CNTNAP2: variants seen among roughly 807,000 people sequenced by gnomAD.
CNTNAP2 encodes contactin-associated protein-like 2.
Under a neutral mutation model 155.2 loss-of-function variants are expected in CNTNAP2, and 98 were observed. The observed-to-expected ratio is 0.63, with a 90% CI of 0.54 to 0.75. CNTNAP2 has a LOEUF of 0.75. Ranked by LOEUF, CNTNAP2 falls within the 30% of genes least tolerant of loss-of-function variation. The pLI, the probability that CNTNAP2 is intolerant of heterozygous loss-of-function variation, is 0.00. For synonymous variants in CNTNAP2, 651 were observed against 631.2 expected (o/e 1.03, Z -0.47); for missense variants, 1,727 against 1,688.1 (o/e 1.02, Z -0.40).
rs564969589 is a variant in CNTNAP2 at position 147,606,595 on chromosome 7, T to C, written c.1898-32511T>C. ...TATTTATTGACCACTAGAGTACCAA[T>C]ACCAGATAACCTGTAAGGGAATAAG... On this transcript the variant is annotated intron_variant, in intron 12 of 23. Coordinates refer to ENST00000361727, the MANE Select transcript of CNTNAP2 (RefSeq NM_014141.6). 2.6e-5 allele frequency among the ~76,000 whole-genome samples: 4 copies of C among 152,294 alleles called. No individual in the cohort carries two copies. In the South Asian group the frequency reaches 6.2e-4, roughly 24 times the overall value.
rs529155870 is a variant in CNTNAP2, at chr7:146,477,716, G to A, written c.98-296555G>A. ...ACTAAAAATTTATATATTTTGGATT[G>A]AAATTAATTTGTAACCAACAAAGTT... On this transcript the variant is annotated intron_variant, in intron 1 of 23. Transcript: ENST00000361727. Among the ~76,000 whole-genome samples, 7 of 150,376 alleles carry A rather than the reference G, an allele frequency of 4.7e-5. No homozygotes were observed. In the East Asian group the frequency reaches 1.2e-3, roughly 25 times the overall value.
At chr7:146,950,746 A>G (rs1021950136) in intron 3 of CNTNAP2, among the ~76,000 whole-genome samples, 6 of 152,134 alleles carry the variant, frequency 3.9e-5, no homozygotes, top group East Asian at 1.9e-4. Context: ...TAGTGCTGCA[A>G]TAAACAGACT....
intron 8 of CNTNAP2, among the ~76,000 whole-genome samples, chr7:147,255,614 G>T (rs927452799): frequency 8.6e-5 from 13 of 151,980 alleles, no homozygotes; most frequent in African/African-American, 3.1e-4. Flanking sequence ...ACCTCTGGAG[G>T]TAAAGTTACC....
At chr7:147,092,431 T>G (rs1273304294) in intron 4 of CNTNAP2, among the ~76,000 whole-genome samples, 1 of 152,214 alleles carries the variant, frequency 6.6e-6, no homozygotes, top group Non-Finnish European at 1.5e-5. Context: ...GAATTTATGT[T>G]AGAAAGAGAA....
At chr7:146,973,617 CA>C (rs1797848234) in intron 3 of CNTNAP2, among the ~76,000 whole-genome samples, 1 of 152,028 alleles carries the variant, frequency 6.6e-6, no homozygotes, top group African/African-American at 2.4e-5. Flanking sequence ...AGACATATTC[CA>C]AAGATCCACT....
chr7:148,012,484 T>A (rs1802098152), intron 15 of CNTNAP2, among the ~76,000 whole-genome samples: 1 of 152,226 alleles, frequency 6.6e-6, no homozygotes, highest in South Asian at 2.1e-4. Context: ...GATCTGCTGA[T>A]CCACCTTGTG....
chr7:146,334,133 C>T (rs1801231161), intron 1 of CNTNAP2, among the ~76,000 whole-genome samples: 1 of 152,134 alleles, frequency 6.6e-6, no homozygotes, highest in South Asian at 2.1e-4. Context: ...CCTATAGCAG[C>T]TTAATTAAAG....
At chr7:146,759,711 A>AAAAGG (rs1309834469) in intron 1 of CNTNAP2, among the ~76,000 whole-genome samples, 2 of 60,726 alleles carry the variant, frequency 3.3e-5, no homozygotes, top group African/African-American at 6.0e-5. Flanking sequence ...AAAAAAAAAA[A>AAAAGG]GGTGGGTGGG....
chr7:146,906,111 C>A (rs1796119300), intron 3 of CNTNAP2, among the ~76,000 whole-genome samples: 1 of 152,244 alleles, frequency 6.6e-6, no homozygotes, highest in African/African-American at 2.4e-5. Context: ...AAAAACGGCG[C>A]ACCACGGGAC....
At chr7:146,933,282 C>G (rs182322790) in intron 3 of CNTNAP2, among the ~76,000 whole-genome samples, 1 of 151,956 alleles carries the variant, frequency 6.6e-6, no homozygotes, top group African/African-American at 2.4e-5. Flanking sequence ...GAAATAATGT[C>G]GCATATCTAC....
intron 8 of CNTNAP2, among the ~76,000 whole-genome samples, chr7:147,137,254 G>A (rs983159133): frequency 1.3e-5 from 2 of 150,888 alleles, no homozygotes; most frequent in Non-Finnish European, 3.0e-5. Context: ...TAATAACATG[G>A]TAAAAAATGC....
At chr7:148,301,306 A>AAAAAAAT in intron 21 of CNTNAP2, among the ~76,000 whole-genome samples, 6 of 103,846 alleles carry the variant, frequency 5.8e-5, no homozygotes, top group African/African-American at 2.3e-4. Flanking sequence ...AAAAAAAAAA[A>AAAAAAAT]ATATATATAT....
chr7:147,527,520 G>A (rs1326043585), intron 11 of CNTNAP2, among the ~76,000 whole-genome samples: 1 of 152,168 alleles, frequency 6.6e-6, no homozygotes, highest in African/African-American at 2.4e-5. Context: ...CTGTATGAAA[G>A]TCCCTGTAAA....
At chr7:146,284,701 TTGTTCGA>T (rs1384796939) in intron 1 of CNTNAP2, among the ~76,000 whole-genome samples, 1 of 152,324 alleles carries the variant, frequency 6.6e-6, no homozygotes, top group African/African-American at 2.4e-5. Context: ...AATTCACCAG[TTGTTCGA>T]TGAGATTAAC....
At chr7:146,797,202 C>T (rs2129190582) in intron 2 of CNTNAP2, among the ~76,000 whole-genome samples, 1 of 152,230 alleles carries the variant, frequency 6.6e-6, no homozygotes, top group African/African-American at 2.4e-5. Context: ...CCAGTTGCAC[C>T]TGTAAGAAAA....
intron 3 of CNTNAP2, among the ~76,000 whole-genome samples, chr7:146,937,374 T>A (rs1320518683): frequency 6.7e-6 from 1 of 149,766 alleles, no homozygotes; most frequent in Non-Finnish European, 1.5e-5. Context: ...AAAAATAAAA[T>A]AAAATAAAAT....
chr7:146,896,178 A>G (rs1341407436), intron 3 of CNTNAP2, among the ~76,000 whole-genome samples: 2 of 152,118 alleles, frequency 1.3e-5, no homozygotes, highest in Non-Finnish European at 2.9e-5. Flanking sequence ...AGAATGATTG[A>G]TTTAAATACC....
chr7:147,881,017 G>A (rs566230614), intron 13 of CNTNAP2, among the ~76,000 whole-genome samples: 14 of 152,262 alleles, frequency 9.2e-5, no homozygotes, highest in African/African-American at 3.4e-4. Context: ...ATAAGACCAG[G>A]AAGTGGCCAG....
intron 3 of CNTNAP2, chr7:146,963,133 A>G (rs1381504959): frequency 6.6e-6 from 1 of 152,228 alleles, no homozygotes; most frequent in Non-Finnish European, 1.5e-5. Flanking sequence ...AATTCATTAT[A>G]AAGAGTTTGG....
Sources: allele counts gnomAD v4.1 joint callset (sites outside exome capture counted in the v4.1 genomes callset), GRCh38; gene constraint gnomAD v4.1.1; transcripts MANE v1.5; gene names NCBI Gene and HGNC (gene_info 2026-07-23, HGNC 2026-07-21).